Variants in SCHIP1 observed in about 807,000 individuals in gnomAD.
The protein encoded by SCHIP1 is schwannomin interacting protein 1, also known as schwannomin-interacting protein 1.
A neutral mutation model predicts 29.7 loss-of-function variants in SCHIP1; 8 were observed. The ratio of observed to expected loss-of-function variants is 0.27; its 90% CI spans 0.16 to 0.49. The LOEUF (loss-of-function observed/expected upper bound fraction) is 0.49. SCHIP1 is among the 20% of genes least tolerant of loss of function. SCHIP1 has a pLI of 0.99. For missense variants in SCHIP1, 193 were observed against 294.6 expected, an observed-to-expected ratio of 0.66 and a Z score of 2.52; for synonymous variants, 76 against 94.9, an observed-to-expected ratio of 0.80 and a Z score of 1.16.
chr3:159,707,801 C>T, the SCHIP1 span, among the ~76,000 whole-genome samples: 31 of 152,182 alleles, frequency 2.0e-4, no homozygotes, highest in East Asian at 4.8e-3. Context: ...ATTCCTTTGT[C>T]CCCCCTAATT....
chr3:159,320,336 T>C, the SCHIP1 span, among the ~76,000 whole-genome samples: 1 of 152,148 alleles, frequency 6.6e-6, no homozygotes, highest in African/African-American at 2.4e-5. Flanking sequence ...AAGTCAGCTG[T>C]CTGTAGCCCA....
At chr3:159,273,310 G>T in the SCHIP1 span, 3 of 985,936 alleles carry the variant, frequency 3.0e-6, no homozygotes, top group African/African-American at 5.2e-5. Context: ...GCAGACCGAG[G>T]CTGGGGCGAG....
At chr3:159,722,005 T>C in the SCHIP1 span, 6 of 350,894 alleles carry the variant, frequency 1.7e-5, no homozygotes, top group South Asian at 1.6e-4. Flanking sequence ...GTCTCTTTCC[T>C]CTTCTTCAGC....
the SCHIP1 span, among the ~76,000 whole-genome samples, chr3:159,732,065 C>T: frequency 6.6e-6 from 1 of 152,138 alleles, no homozygotes. Context: ...AGGCTGGTCC[C>T]GAACTCCTGA....
At chr3:159,285,329 T>A in the SCHIP1 span, among the ~76,000 whole-genome samples, 1 of 152,156 alleles carries the variant, frequency 6.6e-6, no homozygotes, top group African/African-American at 2.4e-5. Flanking sequence ...CCCTGATAGA[T>A]AACAAATAGA....
chr3:159,336,975 G>T, the SCHIP1 span, among the ~76,000 whole-genome samples: 1 of 152,180 alleles, frequency 6.6e-6, no homozygotes, highest in Admixed American at 6.5e-5. Context: ...ATACCCATGA[G>T]CATGGAATGT....
the SCHIP1 span, among the ~76,000 whole-genome samples, chr3:159,602,895 T>TACC: frequency 6.6e-6 from 1 of 152,154 alleles, no homozygotes; most frequent in Admixed American, 6.5e-5. Flanking sequence ...CTTCCACAGA[T>TACC]ACCACCTGGG....
the SCHIP1 span, among the ~76,000 whole-genome samples, chr3:159,472,687 G>A: frequency 6.6e-6 from 1 of 152,166 alleles, no homozygotes; most frequent in African/African-American, 2.4e-5. Flanking sequence ...ATGAAGCACA[G>A]TGAAGGAATC....
chr3:159,319,717 T>C, the SCHIP1 span, among the ~76,000 whole-genome samples: 2 of 152,266 alleles, frequency 1.3e-5, no homozygotes, highest in African/African-American at 2.4e-5. Context: ...TTGAAATTTG[T>C]TGCTCTTTTT....
the SCHIP1 span, among the ~76,000 whole-genome samples, chr3:159,587,641 C>A: frequency 1.3e-5 from 2 of 152,176 alleles, no homozygotes; most frequent in South Asian, 4.1e-4. Context: ...CACAACAGGA[C>A]CCAGTGTGTA....
At chr3:159,395,988 A>G in the SCHIP1 span, among the ~76,000 whole-genome samples, 1 of 152,000 alleles carries the variant, frequency 6.6e-6, no homozygotes, top group African/African-American at 2.4e-5. Context: ...GACTTGCTTC[A>G]TGTATCTGGG....
At chr3:159,587,496 T>A in the SCHIP1 span, among the ~76,000 whole-genome samples, 1 of 152,180 alleles carries the variant, frequency 6.6e-6, no homozygotes, top group Non-Finnish European at 1.5e-5. Flanking sequence ...ATACTTTAAG[T>A]TCTAGGGTAC....
At chr3:159,438,817 A>C in the SCHIP1 span, among the ~76,000 whole-genome samples, 2 of 152,234 alleles carry the variant, frequency 1.3e-5, no homozygotes, top group Admixed American at 6.5e-5. Context: ...AAAGGACATG[A>C]TCTCATTCCT....
chr3:159,580,564 T>A, the SCHIP1 span, among the ~76,000 whole-genome samples: 2 of 152,196 alleles, frequency 1.3e-5, no homozygotes, highest in Non-Finnish European at 2.9e-5. Context: ...TTGGATGAAA[T>A]ACAGAATTTC....
chr3:159,315,380 T>C, the SCHIP1 span, among the ~76,000 whole-genome samples: 1 of 134,600 alleles, frequency 7.4e-6, no homozygotes, highest in African/African-American at 2.8e-5. Flanking sequence ...TTGTATTTTT[T>C]TGTATTTTCT....
At chr3:159,495,462 C>A in the SCHIP1 span, among the ~76,000 whole-genome samples, 47 of 152,050 alleles carry the variant, frequency 3.1e-4, 1 homozygote, top group East Asian at 7.4e-3. Context: ...ATACACCAAT[C>A]ACAGACAAAC....
At chr3:159,333,459 A>C in the SCHIP1 span, among the ~76,000 whole-genome samples, 2 of 152,174 alleles carry the variant, frequency 1.3e-5, no homozygotes, top group Non-Finnish European at 2.9e-5. Context: ...TTCTTCTGTC[A>C]TGCTGACATT....
chr3:159,485,972 G>A, the SCHIP1 span, among the ~76,000 whole-genome samples: 1 of 152,104 alleles, frequency 6.6e-6, no homozygotes, highest in Non-Finnish European at 1.5e-5. Context: ...GGTGCCAGGT[G>A]TATGTACCAC....
the SCHIP1 span, among the ~76,000 whole-genome samples, chr3:159,566,065 T>C: frequency 6.6e-6 from 1 of 152,314 alleles, no homozygotes; most frequent in South Asian, 2.1e-4. Context: ...GATTACATAA[T>C]ATTTAAGAGA....
Sources: allele counts gnomAD v4.1 joint callset (sites outside exome capture counted in the v4.1 genomes callset), GRCh38; gene constraint gnomAD v4.1.1; transcripts MANE v1.5; gene names NCBI Gene and HGNC (gene_info 2026-07-23, HGNC 2026-07-21).